SYT16: variants seen among roughly 807,000 people sequenced by gnomAD.
SYT16 encodes synaptotagmin 16, also known as synaptotagmin-16.
A neutral mutation model predicts 61.4 loss-of-function variants in SYT16; 42 were observed. That is an observed-to-expected ratio of 0.68 (90% CI 0.53 to 0.89). The LOEUF (loss-of-function observed/expected upper bound fraction) is 0.89, where lower values mean the gene tolerates loss of function less well. SYT16 is among the 40% of genes least tolerant of loss of function. The pLI is 0.00. For synonymous variants in SYT16, 314 were observed against 302.3 expected (o/e 1.04, Z -0.40); for missense variants, 804 against 807.3 (o/e 1.00, Z 0.05).
chr14:61,889,876 A>G (rs1056065152), intron 1 of SYT16, among the ~76,000 whole-genome samples: 22 of 151,826 alleles, frequency 1.4e-4, no homozygotes, highest in African/African-American at 4.6e-4. Flanking sequence ...ATTTAGCAGT[A>G]TTTTTTCTCA....
chr14:61,887,287 T>G (rs980548266), intron 1 of SYT16, among the ~76,000 whole-genome samples: 1 of 152,222 alleles, frequency 6.6e-6, no homozygotes, highest in Non-Finnish European at 1.5e-5. Context: ...TAAACAGATA[T>G]GCTGTCATCC....
At chr14:61,824,076 G>C (rs57179737) in intron 1 of SYT16, among the ~76,000 whole-genome samples, 12,822 of 152,146 alleles carry the variant, frequency 0.084, 588 homozygotes, top group Non-Finnish European at 0.1. Context: ...TGAATATAAA[G>C]AGAAGAGTCT....
chr14:61,951,404 C>T (rs963204327), intron 1 of SYT16, among the ~76,000 whole-genome samples: 1 of 152,160 alleles, frequency 6.6e-6, no homozygotes, highest in African/African-American at 2.4e-5. Flanking sequence ...AATGGTTTGT[C>T]TTTTTAAGGG....
chr14:61,998,453 G>A (rs891970312), intron 3 of SYT16, among the ~76,000 whole-genome samples: 4 of 151,814 alleles, frequency 2.6e-5, no homozygotes, highest in South Asian at 4.1e-4. Flanking sequence ...ACAGTTTGTC[G>A]TCTTTTGAGT....
chr14:62,102,051 G>A lies in SYT16; in HGVS notation c.*1344G>A, dbSNP rs938251734. On this transcript the variant is annotated 3_prime_UTR_variant, in exon 8 of 8. Coordinates refer to ENST00000683842, the MANE Select transcript of SYT16 (RefSeq NM_001367656.1). ...AAGAATGTATGTACATTTAATCCCT[G>A]CGCTCAATGTGCAGCTCTTCTGAGC... The A allele has an allele frequency of 1.3e-5, 2 of 152,122 alleles. No individual in the cohort carries two copies. Among genetic ancestry groups the A allele is most frequent in the African/African-American group, 4.8e-5 (2 of 41,418 alleles). The allele number at this position is 152,122 out of a possible 1,614,324, so 9.4% of individuals were successfully genotyped here. A position where few individuals can be genotyped will look rare whatever the true frequency, so the allele number is the denominator to read the frequency against.
At chr14:61,943,523 G>A (rs972296018) in intron 1 of SYT16, among the ~76,000 whole-genome samples, 1 of 152,136 alleles carries the variant, frequency 6.6e-6, no homozygotes, top group African/African-American at 2.4e-5. Flanking sequence ...ACATCAAAAA[G>A]CGTATCCACC....
intron 1 of SYT16, among the ~76,000 whole-genome samples, chr14:61,813,195 G>T (rs1276297903): frequency 6.6e-6 from 1 of 152,258 alleles, no homozygotes; most frequent in Non-Finnish European, 1.5e-5. Flanking sequence ...TTCTGGGTCG[G>T]GTTTGTGCGT....
chr14:61,816,697 C>CTT (rs762456771), intron 1 of SYT16, among the ~76,000 whole-genome samples: 7 of 152,120 alleles, frequency 4.6e-5, no homozygotes, highest in Non-Finnish European at 8.8e-5. Flanking sequence ...CTGCAGAGAG[C>CTT]TCTTTCTTTC....
intron 3 of SYT16, among the ~76,000 whole-genome samples, chr14:62,003,526 A>T (rs2053104919): frequency 6.6e-6 from 1 of 151,704 alleles, no homozygotes; most frequent in Admixed American, 6.6e-5. Flanking sequence ...TAACTTTTGG[A>T]CTAGTTGGTT....
intron 1 of SYT16, among the ~76,000 whole-genome samples, chr14:61,907,136 T>G (rs1167567316): frequency 2.0e-5 from 3 of 152,250 alleles, no homozygotes; most frequent in Non-Finnish European, 4.4e-5. Context: ...CAGAGTGATT[T>G]AGTTCCTTCA....
At chr14:61,816,777 C>T (rs993252937) in intron 1 of SYT16, among the ~76,000 whole-genome samples, 2 of 151,606 alleles carry the variant, frequency 1.3e-5, no homozygotes, top group South Asian at 2.1e-4. Flanking sequence ...TTTGGGAGGC[C>T]GAGGCGGACG....
intron 2 of SYT16, among the ~76,000 whole-genome samples, chr14:61,979,724 A>G (rs1459364927): frequency 6.6e-6 from 1 of 152,152 alleles, no homozygotes; most frequent in Non-Finnish European, 1.5e-5. Flanking sequence ...TCTACTAAAA[A>G]TACAAAAATT....
At chr14:61,875,248 A>G (rs1282209218) in intron 1 of SYT16, among the ~76,000 whole-genome samples, 2 of 152,162 alleles carry the variant, frequency 1.3e-5, no homozygotes, top group Non-Finnish European at 2.9e-5. Flanking sequence ...CTTGGGGAAT[A>G]TTCTTATACA....
chr14:62,035,871 A>G (rs1172857116), intron 3 of SYT16, among the ~76,000 whole-genome samples: 3 of 152,180 alleles, frequency 2.0e-5, no homozygotes, highest in Non-Finnish European at 4.4e-5. Flanking sequence ...TGCTCTTAGA[A>G]TTCCTACTCC....
intron 1 of SYT16, among the ~76,000 whole-genome samples, chr14:61,935,505 G>A (rs1341494770): frequency 1.3e-5 from 2 of 152,190 alleles, no homozygotes; most frequent in African/African-American, 4.8e-5. Flanking sequence ...CTGGGGCTTT[G>A]TAACCAATGG....
chr14:62,041,743 CT>C (rs2054739584), intron 3 of SYT16, among the ~76,000 whole-genome samples: 1 of 152,032 alleles, frequency 6.6e-6, no homozygotes, highest in African/African-American at 2.4e-5. Flanking sequence ...TTTTCTGCCC[CT>C]CTCTCCTTCA....
chr14:61,853,106 A>T (rs1470804709), intron 1 of SYT16, among the ~76,000 whole-genome samples: 1 of 152,128 alleles, frequency 6.6e-6, no homozygotes, highest in African/African-American at 2.4e-5. Context: ...TTTAGTAGAG[A>T]TGGGGTTTCA....
intron 2 of SYT16, among the ~76,000 whole-genome samples, chr14:61,988,744 A>G (rs1160488672): frequency 6.6e-6 from 1 of 152,234 alleles, no homozygotes; most frequent in Non-Finnish European, 1.5e-5. Context: ...TTAGTGAAAC[A>G]GGCAACTGTG....
chr14:62,046,039 C>T (rs998665964), intron 3 of SYT16, among the ~76,000 whole-genome samples: 3 of 152,176 alleles, frequency 2.0e-5, no homozygotes, highest in African/African-American at 4.8e-5. Context: ...CTGACTTCCA[C>T]AGGGTTGAAC....
Sources: gnomAD v4.1 joint callset for allele counts (sites outside exome capture counted in the v4.1 genomes callset) on GRCh38, gnomAD v4.1.1 for gene constraint, MANE v1.5 for transcripts, NCBI Gene and HGNC (gene_info 2026-07-23, HGNC 2026-07-21) for gene names.